PRUNE2: variants seen among roughly 807,000 people sequenced by gnomAD.
PRUNE2 encodes the protein prune homolog 2 with BCH domain, also known as protein prune homolog 2.
Under a neutral mutation model 252.0 loss-of-function variants are expected in PRUNE2, and 164 were observed. That is an observed-to-expected ratio of 0.65 (90% confidence interval 0.57 to 0.74). The LOEUF (loss-of-function observed/expected upper bound fraction) is 0.74, where lower values mean the gene tolerates loss of function less well. PRUNE2 is among the 30% of genes least tolerant of loss of function. PRUNE2 has a pLI of 0.00. For missense variants in PRUNE2, 3,495 were observed against 3,711.0 expected (o/e 0.94, Z 1.51); for synonymous variants, 1,292 against 1,350.2 (o/e 0.96, Z 0.94).
chr9:76,823,661 C>A lies in PRUNE2; in HGVS notation c.727G>T (p.Ala243Ser). Residue 243 changes from alanine (A) to serine (S), a missense_variant, in exon 6 of 19, where the codon GCC becomes TCC. By Grantham distance (99) the Ala-to-Ser change is moderately conservative. Transcript: ENST00000376718. ...AGGTTCATGCTCACAGTACTAATGG[C>A]CACTTTTATTTCTCCATCTGACAGC... ...KELSDGEIKV[A>S]ISTVSMNLEN... is the part of the protein sequence containing the mutation. 6.2e-7 allele frequency: 1 copy of A among 1,610,876 alleles called. No homozygotes were observed.
At chr9:76,771,157 T>C (rs2053059619) in intron 6 of PRUNE2, among the ~76,000 whole-genome samples, 1 of 152,172 alleles carries the variant, frequency 6.6e-6, no homozygotes, top group Non-Finnish European at 1.5e-5. Flanking sequence ...AAACTAGACA[T>C]GATTTAAATA....
intron 6 of PRUNE2, among the ~76,000 whole-genome samples, chr9:76,723,970 G>A (rs1400847134): frequency 6.6e-6 from 1 of 151,140 alleles, no homozygotes; most frequent in Non-Finnish European, 1.5e-5. Context: ...ACCACGCTCG[G>A]CTAACTTTTT....
chr9:76,659,655 T>C (rs1203456688), intron 9 of PRUNE2, among the ~76,000 whole-genome samples: 1 of 152,120 alleles, frequency 6.6e-6, no homozygotes, highest in African/African-American at 2.4e-5. Context: ...ATTTGCATTA[T>C]ATACTACAAG....
chr9:76,904,603 T>G (rs999397003), intron 1 of PRUNE2, among the ~76,000 whole-genome samples: 3 of 152,242 alleles, frequency 2.0e-5, no homozygotes, highest in Non-Finnish European at 4.4e-5. Flanking sequence ...AAATACTTAC[T>G]TGAGTTTCTG....
intron 9 of PRUNE2, among the ~76,000 whole-genome samples, chr9:76,680,898 T>C (rs1588539528): frequency 6.6e-6 from 1 of 152,252 alleles, no homozygotes; most frequent in African/African-American, 2.4e-5. Context: ...GAGAACTCAC[T>C]CATTATCATG....
chr9:76,727,591 G>A (rs2048205670), intron 6 of PRUNE2, among the ~76,000 whole-genome samples: 1 of 148,834 alleles, frequency 6.7e-6, no homozygotes, highest in South Asian at 2.1e-4. Flanking sequence ...CCTATTCCAG[G>A]AAAATGAAGT....
chr9:76,845,976 C>T (rs940121246), intron 4 of PRUNE2, among the ~76,000 whole-genome samples: 1 of 152,092 alleles, frequency 6.6e-6, no homozygotes, highest in African/African-American at 2.4e-5. Context: ...GTTCAGGACC[C>T]CAGGGCTTGA....
chr9:76,650,648 A>C (rs1236867962), intron 11 of PRUNE2, among the ~76,000 whole-genome samples: 2 of 152,352 alleles, frequency 1.3e-5, no homozygotes, highest in East Asian at 3.8e-4. Flanking sequence ...AAATTAAGGT[A>C]GATTTAAAAA....
chr9:76,655,536 C>T, intron 9 of PRUNE2, 34 bp from the exon 10 acceptor site: 1 of 1,488,756 alleles, frequency 6.7e-7, no homozygotes, highest in Non-Finnish European at 9.3e-7. Context: ...GCGTCAACAA[C>T]AACTGTGTAA....
At chr9:76,687,905 A>C (rs929459735) in intron 9 of PRUNE2, among the ~76,000 whole-genome samples, 3 of 152,238 alleles carry the variant, frequency 2.0e-5, no homozygotes, top group Non-Finnish European at 4.4e-5. Context: ...AGAGTAGAGC[A>C]ATCTAGAAGC....
intron 6 of PRUNE2, among the ~76,000 whole-genome samples, chr9:76,781,520 A>T (rs1038188300): frequency 2.6e-5 from 4 of 152,198 alleles, no homozygotes; most frequent in African/African-American, 7.2e-5. Context: ...TTGGTTTATA[A>T]ACTTAAAAAT....
chr9:76,731,235 A>C (rs961752571), intron 6 of PRUNE2, among the ~76,000 whole-genome samples: 3 of 151,550 alleles, frequency 2.0e-5, no homozygotes, highest in East Asian at 3.9e-4. Context: ...AATCAAGTTT[A>C]ACACACACAT....
chr9:76,860,791 T>C (rs2060505055), intron 1 of PRUNE2, among the ~76,000 whole-genome samples: 3 of 152,042 alleles, frequency 2.0e-5, no homozygotes, highest in African/African-American at 7.2e-5. Context: ...AAGAGAGAAA[T>C]AAACCTCCTG....
chr9:76,688,481 G>A (rs527264541), intron 9 of PRUNE2, among the ~76,000 whole-genome samples: 48 of 152,318 alleles, frequency 3.2e-4, no homozygotes, highest in African/African-American at 1.1e-3. Context: ...AGAATGAAAT[G>A]ATGACCTTTC....
intron 6 of PRUNE2, among the ~76,000 whole-genome samples, chr9:76,746,733 A>AAAAC (rs2050156170): frequency 6.7e-6 from 1 of 150,104 alleles, no homozygotes; most frequent in African/African-American, 2.5e-5. Flanking sequence ...AAAAAAAAAA[A>AAAAC]AAAAAAAACC....
chr9:76,622,643 T>C (rs996750512), intron 17 of PRUNE2, among the ~76,000 whole-genome samples: 18 of 152,206 alleles, frequency 1.2e-4, no homozygotes, highest in Non-Finnish European at 1.0e-4. Context: ...AATCTCATGA[T>C]ACAAAGCAAT....
At chr9:76,882,820 C>T (rs905959321) in intron 1 of PRUNE2, among the ~76,000 whole-genome samples, 2 of 152,158 alleles carry the variant, frequency 1.3e-5, no homozygotes, top group African/African-American at 4.8e-5. Context: ...GACACATATC[C>T]AAACCAGGTC....
rs1184006519 is a variant in PRUNE2, at chr9:76,619,405, AT to A, written c.9189-19del. On this transcript the variant is annotated intron_variant, in intron 17 of 18. Coordinates refer to ENST00000376718, the MANE Select transcript of PRUNE2 (RefSeq NM_015225.3). ...AGCTAGTTCTGAGTGCAAGGAAAAA[AT>A]AGGAAGCAGTCAACATTTCCCCACT... is the stretch of plus-strand genomic sequence containing the variant. 3.7e-5 allele frequency: 59 copies of A among 1,588,892 alleles called. No individual in the cohort carries two copies. The highest frequency in any genetic ancestry group is 4.9e-5 in the Non-Finnish European group (57 of 1,162,168).
chr9:76,719,583 G>T (rs2047448000), intron 6 of PRUNE2, among the ~76,000 whole-genome samples: 1 of 151,818 alleles, frequency 6.6e-6, no homozygotes, highest in Non-Finnish European at 1.5e-5. Flanking sequence ...TTAGGAGTTT[G>T]AGACCAGCCT....
Sources: allele counts gnomAD v4.1 joint callset (sites outside exome capture counted in the v4.1 genomes callset), GRCh38; gene constraint gnomAD v4.1.1; transcripts MANE v1.5; gene names NCBI Gene and HGNC (gene_info 2026-07-23, HGNC 2026-07-21).